Variants in ADH4 observed in about 807,000 individuals in gnomAD.
ADH4 encodes the protein all-trans-retinol dehydrogenase [NAD(+)] ADH4.
Under a neutral mutation model 35.2 loss-of-function variants are expected in ADH4, and 31 were observed. The observed-to-expected ratio is 0.88, with a 90% confidence interval of 0.66 to 1.19. The LOEUF (loss-of-function observed/expected upper bound fraction) is 1.19, where lower values mean the gene tolerates loss of function less well. Ranked by LOEUF, ADH4 falls within the 50% of genes most tolerant of loss-of-function variation. The pLI is 0.00. For synonymous variants in ADH4, 171 were observed against 160.2 expected (o/e 1.07, Z -0.51); for missense variants, 476 against 458.3 (o/e 1.04, Z -0.35).
intron 5 of ADH4, among the ~76,000 whole-genome samples, chr4:99,132,125 G>A (rs35073321): frequency 0.21 from 32,065 of 152,026 alleles, 4,054 homozygotes; most frequent in Non-Finnish European, 0.29. Context: ...TCTATATTTC[G>A]AATAGTCCTC....
In ADH4 at chr4:99,124,371, A is replaced by G; in HGVS notation, c.*71T>C. 9.1e-7 allele frequency: 1 copy of G among 1,096,332 alleles called. No individual in the cohort carries two copies. Among genetic ancestry groups the G allele is most frequent in the Admixed American group, 2.1e-5 (1 of 48,288 alleles). The allele number at this position is 1,096,332 out of a possible 1,614,324, so 67.9% of individuals were successfully genotyped here. A position where few individuals can be genotyped will look rare whatever the true frequency, so the allele number is the denominator to read the frequency against. ...AACTCATGGCTTTCCTTGGTTCATCAAATCAGGTAATAAATTAACCAGGCA... is the reference window on the plus strand; with the variant it reads ...AACTCATGGCTTTCCTTGGTTCATCGAATCAGGTAATAAATTAACCAGGCA... On this transcript the variant is annotated 3_prime_UTR_variant, in exon 9 of 9. Transcript: ENST00000265512.
intron 2 of ADH4, 51 bp from the exon 3 acceptor site, chr4:99,141,733 G>A (rs747548647): frequency 1.9e-6 from 3 of 1,560,770 alleles, no homozygotes; most frequent in East Asian, 2.3e-5. Context: ...ATATTATTGG[G>A]CTGGATGTTA....
chr4:99,131,014 C>T (rs949435426), intron 6 of ADH4, among the ~76,000 whole-genome samples: 3 of 151,942 alleles, frequency 2.0e-5, no homozygotes, highest in Non-Finnish European at 4.4e-5. Context: ...TAATTCATCC[C>T]TTTATATCTT....
intron 6 of ADH4, among the ~76,000 whole-genome samples, chr4:99,128,201 A>G (rs28987100): frequency 0.21 from 32,030 of 152,120 alleles, 4,041 homozygotes; most frequent in Non-Finnish European, 0.28. Flanking sequence ...TTGGGAGGCC[A>G]AGGCAGGTGG....
rs1729436523 is a variant in ADH4 at position 99,136,509 on chromosome 4, C to T, written c.539G>A (p.Cys180Tyr). The change falls in exon 5 of 9, where the codon TGT becomes TAT. Residue 180 changes from cysteine (C) to tyrosine (Y), a missense_variant. Cys to Tyr is a radical substitution (Grantham distance 194, BLOSUM62 -2). Coordinates refer to ENST00000265512, the MANE Select transcript of ADH4 (RefSeq NM_000670.5). ...ANLERVCLLG[C>Y]GFSTGYGAAI... ...AGCCCCATAGCCAGTTGAAAACCCA[C>T]ATCCAAGCAGACAAACTCTCTCTAA... 1.2e-6 allele frequency: 2 copies of T among 1,614,016 alleles called. No individual in the cohort carries two copies. Among genetic ancestry groups the T allele is most frequent in the Admixed American group, 1.7e-5 (1 of 60,008 alleles).
intron 6 of ADH4, among the ~76,000 whole-genome samples, chr4:99,127,692 G>T (rs1307140856): frequency 6.6e-6 from 1 of 151,868 alleles, no homozygotes; most frequent in Non-Finnish European, 1.5e-5. Flanking sequence ...AGCTGGGTGT[G>T]GTTGTGCCTG....
In ADH4 at chr4:99,126,723, C is replaced by CTT. The variant is rs1560774617; in HGVS notation, c.987_988dup (p.Ser330LysfsTer3). On this transcript the variant is annotated frameshift_variant, in exon 8 of 9. Transcript: ENST00000265512. LOFTEE classifies it high-confidence loss of function. ...GACCAGCTTTGGGATAGAATCTACA[C>CTT]TTTTCCAACCTGTAATGTGGACAAA... 6.2e-7 allele frequency: 1 copy of CTT among 1,603,996 alleles called. No individual in the cohort carries two copies. The highest frequency in any genetic ancestry group is 1.1e-5 in the South Asian group (1 of 89,852).
At chr4:99,140,166 A>G (rs113238610) in intron 3 of ADH4, among the ~76,000 whole-genome samples, 77 of 152,330 alleles carry the variant, frequency 5.1e-4, no homozygotes, top group African/African-American at 1.7e-3. Context: ...TGACATATAT[A>G]TAATATTTCT....
intron 6 of ADH4, 64 bp from the exon 7 acceptor site, chr4:99,127,408 C>T: frequency 1.5e-6 from 2 of 1,361,242 alleles, no homozygotes; most frequent in Non-Finnish European, 2.0e-6. Flanking sequence ...TCCAGTGTGG[C>T]AATGTACAAT....
At chr4:99,134,477 C>T (rs1483174914) in intron 5 of ADH4, among the ~76,000 whole-genome samples, 1 of 151,892 alleles carries the variant, frequency 6.6e-6, no homozygotes, top group African/African-American at 2.4e-5. Flanking sequence ...TGTAGCTGAA[C>T]CTCTAGTGCT....
intron 5 of ADH4, among the ~76,000 whole-genome samples, chr4:99,135,884 G>T (rs757756857): frequency 7.9e-5 from 12 of 152,272 alleles, no homozygotes; most frequent in Non-Finnish European, 1.3e-4. Context: ...TCTAGTTCTA[G>T]ATCAGATGCT....
In ADH4 at chr4:99,136,576, C is replaced by A. The variant is rs55735703; in HGVS notation, c.472G>T (p.Val158Leu). The change falls in exon 5 of 9, where the codon GTG becomes TTG. Residue 158 changes from valine (V) to leucine (L), a missense_variant. Coordinates refer to ENST00000265512, the MANE Select transcript of ADH4 (RefSeq NM_000670.5). ...ATTTTGGCAAGATTGATATCTGACA[C>A]CACAGTGTACTGAGAGAATGTACTG... ...GTSTFSQYTV[V>L]SDINLAKIDD... 777 of 1,614,038 alleles carry A rather than the reference C, an allele frequency of 4.8e-4. 8 individuals are homozygous for A. In the East Asian group the frequency reaches 0.011, roughly 22 times the overall value.
chr4:99,130,451 C>A (rs544704890), intron 6 of ADH4, among the ~76,000 whole-genome samples: 7 of 152,214 alleles, frequency 4.6e-5, no homozygotes, highest in African/African-American at 1.7e-4. Flanking sequence ...AGGGTGTTGA[C>A]CCTTGGTTTA....
chr4:99,137,019 C>T (rs561812538), intron 4 of ADH4, among the ~76,000 whole-genome samples: 1 of 152,104 alleles, frequency 6.6e-6, no homozygotes, highest in East Asian at 1.9e-4. Context: ...GCACAATCTC[C>T]GTTCACCGCA....
At chr4:99,142,323 T>C (rs1020156759) in intron 2 of ADH4, among the ~76,000 whole-genome samples, 1 of 152,226 alleles carries the variant, frequency 6.6e-6, no homozygotes, top group African/African-American at 2.4e-5. Flanking sequence ...TGTCTTGTTT[T>C]CGATCAAATT....
At chr4:99,126,336 A>G (rs1445066095) in intron 8 of ADH4, among the ~76,000 whole-genome samples, 1 of 152,180 alleles carries the variant, frequency 6.6e-6, no homozygotes, top group African/African-American at 2.4e-5. Flanking sequence ...AGCAGGCCCA[A>G]CTGAGTTAAT....
At chr4:99,137,915 TC>T (rs1729497076) in intron 4 of ADH4, among the ~76,000 whole-genome samples, 1 of 147,516 alleles carries the variant, frequency 6.8e-6, no homozygotes. Context: ...AAATTATAGA[TC>T]CCTTCTCCCT....
rs376242257 is a variant in ADH4, at chr4:99,126,752, C to T, written c.980-20G>A. 15 of 1,570,926 alleles carry T rather than the reference C, an allele frequency of 9.5e-6. No individual in the cohort carries two copies. The highest frequency in any genetic ancestry group is 1.7e-5 in the Admixed American group (1 of 58,356). ...TCCAACCTGTAATGTGGACAAAATG[C>T]AAAATAAAGACATGGCACTTGACAC... On this transcript the variant is annotated intron_variant, in intron 7 of 8. Coordinates refer to ENST00000265512, the MANE Select transcript of ADH4 (RefSeq NM_000670.5).
chr4:99,130,123 A>G (rs1453034502), intron 6 of ADH4, among the ~76,000 whole-genome samples: 1 of 152,186 alleles, frequency 6.6e-6, no homozygotes, highest in Non-Finnish European at 1.5e-5. Context: ...ATACATCCTC[A>G]TGTATTGCCT....
Sources: allele counts gnomAD v4.1 joint callset (sites outside exome capture counted in the v4.1 genomes callset), GRCh38; gene constraint gnomAD v4.1.1; transcripts MANE v1.5; gene names NCBI Gene and HGNC (gene_info 2026-07-23, HGNC 2026-07-21).